PRIM2: variants seen among roughly 807,000 people sequenced by gnomAD.
PRIM2 encodes DNA primase subunit 2, also known as DNA primase large subunit.
In PRIM2, 39 loss-of-function variants were observed where a neutral mutation model predicts 67.3. The observed-to-expected ratio is 0.58, with a 90% CI of 0.45 to 0.76. PRIM2 has a LOEUF of 0.76. Ranked by LOEUF, PRIM2 falls within the 30% of genes least tolerant of loss-of-function variation. The pLI, the probability that PRIM2 is intolerant of heterozygous loss-of-function variation, is 0.00. For missense variants in PRIM2, 398 were observed against 598.7 expected (o/e 0.66, Z 3.50); for synonymous variants, 143 against 198.7 (o/e 0.72, Z 2.36).
chr6:57,455,579 G>A (rs1021626764), intron 7 of PRIM2, among the ~76,000 whole-genome samples: 2 of 152,272 alleles, frequency 1.3e-5, no homozygotes, highest in African/African-American at 4.8e-5. Flanking sequence ...TTGGTTTAAA[G>A]TCTGTTTTAT....
At chr6:57,414,436 T>C (rs1480208605) in intron 7 of PRIM2, among the ~76,000 whole-genome samples, 1 of 152,170 alleles carries the variant, frequency 6.6e-6, no homozygotes. Context: ...ATATTAAGTA[T>C]AAAATAGAAA....
chr6:57,435,627 G>A lies in PRIM2; in HGVS notation c.693+53459G>A, dbSNP rs533892443. The stretch of plus-strand genomic sequence containing the variant: ...TTTATTGAGCCTCAGTTCTCTTTCT[G>A]CTAGTACCTGATGAGCTGGTGTAAC... On this transcript the variant is annotated intron_variant, in intron 7 of 13. Transcript: ENST00000615550. Among the ~76,000 whole-genome samples the A allele has an allele frequency of 5.3e-5, 8 of 152,306 alleles. No individual in the cohort carries two copies. The South Asian group carries it at 1.7e-3, about 32-fold the overall frequency.
At chr6:57,519,996 G>T (rs1554348725) in intron 8 of PRIM2, among the ~76,000 whole-genome samples, 1 of 152,202 alleles carries the variant, frequency 6.6e-6, no homozygotes, top group Non-Finnish European at 1.5e-5. Context: ...ACAAAACCAG[G>T]AACAAAACTG....
intron 5 of PRIM2, among the ~76,000 whole-genome samples, chr6:57,369,656 G>T (rs940938342): frequency 6.6e-6 from 1 of 152,128 alleles, no homozygotes; most frequent in East Asian, 1.9e-4. Context: ...GTTTCATGTT[G>T]AGCCATTTGT....
chr6:57,541,477 T>C (rs1186241492), intron 10 of PRIM2, among the ~76,000 whole-genome samples: 5 of 152,178 alleles, frequency 3.3e-5, no homozygotes, highest in Non-Finnish European at 7.3e-5. Context: ...ATATGTAATA[T>C]TCAAAATATG....
intron 5 of PRIM2, among the ~76,000 whole-genome samples, chr6:57,335,583 C>T (rs911271952): frequency 4.6e-5 from 7 of 152,226 alleles, no homozygotes; most frequent in Admixed American, 2.6e-4. Flanking sequence ...AACTGGGAGG[C>T]ACCCCCCAGC....
intron 8 of PRIM2, among the ~76,000 whole-genome samples, chr6:57,525,696 T>C (rs1353686461): frequency 1.2e-4 from 18 of 152,346 alleles, no homozygotes; most frequent in African/African-American, 4.3e-4. Flanking sequence ...TGCTCAAAAA[T>C]CTTTAATGCT....
chr6:57,565,600 A>G (rs1240332542), intron 10 of PRIM2, among the ~76,000 whole-genome samples: 1 of 152,148 alleles, frequency 6.6e-6, no homozygotes, highest in South Asian at 2.1e-4. Context: ...GCTCTCATCA[A>G]ATTGGGTGCT....
chr6:57,618,109 C>G, intron 12 of PRIM2, among the ~76,000 whole-genome samples: 1 of 152,118 alleles, frequency 6.6e-6, no homozygotes, highest in Non-Finnish European at 1.5e-5. Context: ...TGTCCTTATG[C>G]CAGCCAGTAC....
At chr6:57,354,702 G>C (rs1325659426) in intron 5 of PRIM2, among the ~76,000 whole-genome samples, 1 of 152,164 alleles carries the variant, frequency 6.6e-6, no homozygotes, top group Non-Finnish European at 1.5e-5. Context: ...ATAAACTTAA[G>C]GAATAACAAA....
chr6:57,642,663 A>T (rs1777264837), intron 13 of PRIM2, among the ~76,000 whole-genome samples: 1 of 151,790 alleles, frequency 6.6e-6, no homozygotes, highest in Admixed American at 6.6e-5. Context: ...GGATGGTCTC[A>T]ATCTCCTGAC....
At chr6:57,283,329 T>G in the PRIM2 span, among the ~76,000 whole-genome samples, 2 of 152,174 alleles carry the variant, frequency 1.3e-5, no homozygotes, top group Non-Finnish European at 2.9e-5. Context: ...TGTTGACCTC[T>G]TATATCCCCT....
At chr6:57,418,492 G>C (rs1262535863) in intron 7 of PRIM2, among the ~76,000 whole-genome samples, 3 of 144,380 alleles carry the variant, frequency 2.1e-5, no homozygotes, top group Admixed American at 7.2e-5. Context: ...TGCCTCCCGG[G>C]TTCAAGCGAT....
At chr6:57,272,180 C>A in the PRIM2 span, among the ~76,000 whole-genome samples, 4 of 151,976 alleles carry the variant, frequency 2.6e-5, no homozygotes, top group Non-Finnish European at 1.5e-5. Flanking sequence ...TCCTGGGTAT[C>A]CTTGTTAACT....
chr6:57,590,865 C>A (rs1776270928), intron 10 of PRIM2, among the ~76,000 whole-genome samples: 1 of 152,100 alleles, frequency 6.6e-6, no homozygotes, highest in Admixed American at 6.6e-5. Context: ...CCAAGTCAAC[C>A]CTATGTGATA....
At chr6:57,585,310 T>G (rs1776169375) in intron 10 of PRIM2, among the ~76,000 whole-genome samples, 1 of 152,238 alleles carries the variant, frequency 6.6e-6, no homozygotes, top group Non-Finnish European at 1.5e-5. Context: ...GCTTACTATT[T>G]TTTAAAGAAA....
Position 57,426,660 on chromosome 6 carries a change from C to T in PRIM2, c.693+44492C>T, listed in dbSNP as rs576308389. ...TGGGGACCAAGTTGTATTTGCATTG[C>T]CGTTGAGGGGTGTACATAAGACTTG... On this transcript the variant is annotated intron_variant, in intron 7 of 13. Coordinates refer to ENST00000615550, the MANE Select transcript of PRIM2 (RefSeq NM_000947.5). Among the ~76,000 whole-genome samples, 212 of 152,228 alleles carry T rather than the reference C, an allele frequency of 1.4e-3. 1 individual carries two copies. The highest frequency in any genetic ancestry group is 6.8e-3 in the Middle Eastern group (2 of 294).
At chr6:57,497,612 T>G (rs1348025739) in intron 7 of PRIM2, 1 of 152,226 alleles carries the variant, frequency 6.6e-6, no homozygotes, top group Non-Finnish European at 1.5e-5. Context: ...TTGGGCATGT[T>G]TAGAGCTCAA....
intron 7 of PRIM2, chr6:57,383,130 C>T (rs1385558404): frequency 1.1e-4 from 17 of 152,098 alleles, no homozygotes; most frequent in Non-Finnish European, 2.4e-4. Flanking sequence ...AAAGTTGATG[C>T]TTTTAAATTT....
Sources: allele counts gnomAD v4.1 joint callset (sites outside exome capture counted in the v4.1 genomes callset), GRCh38; gene constraint gnomAD v4.1.1; transcripts MANE v1.5; gene names NCBI Gene and HGNC (gene_info 2026-07-23, HGNC 2026-07-21).